MAPRE2: variants seen among roughly 807,000 people sequenced by gnomAD.
The protein encoded by MAPRE2 is microtubule-associated protein RP/EB family member 2.
Under a neutral mutation model 43.2 loss-of-function variants are expected in MAPRE2, and 13 were observed. The ratio of observed to expected loss-of-function variants is 0.30; its 90% CI spans 0.20 to 0.48. The LOEUF (loss-of-function observed/expected upper bound fraction) is 0.48, where lower values mean the gene tolerates loss of function less well. Ranked by LOEUF, MAPRE2 falls within the 20% of genes least tolerant of loss-of-function variation. MAPRE2 has a pLI of 0.99. For missense variants in MAPRE2, 161 were observed against 400.2 expected (o/e 0.40, Z 5.10); for synonymous variants, 135 against 148.8 (o/e 0.91, Z 0.68).
intron 2 of MAPRE2, among the ~76,000 whole-genome samples, chr18:35,009,034 C>T (rs1168241870): frequency 6.6e-6 from 1 of 152,050 alleles, no homozygotes; most frequent in Admixed American, 6.6e-5. Flanking sequence ...TTTGTGCCTA[C>T]TATCAGCTAG....
intron 2 of MAPRE2, among the ~76,000 whole-genome samples, chr18:35,021,089 T>C (rs531375663): frequency 2.0e-5 from 3 of 152,250 alleles, no homozygotes; most frequent in Admixed American, 6.5e-5. Context: ...ATGTAGGCCA[T>C]CTCAAGGGGG....
At chr18:34,981,365 G>A (rs1231089998) in intron 1 of MAPRE2, among the ~76,000 whole-genome samples, 1 of 151,384 alleles carries the variant, frequency 6.6e-6, no homozygotes, top group Admixed American at 6.6e-5. Flanking sequence ...GGGACAGAGA[G>A]GGAGATGCCA....
rs1436095980 is a variant in MAPRE2 at position 35,141,528 on chromosome 18, T to G, written c.*1159T>G. The G allele has an allele frequency of 2.0e-5, 3 of 152,206 alleles. No homozygotes were observed. 9.4% of individuals were successfully genotyped at this position (152,206 alleles called of 1,614,324 possible). A position where few individuals can be genotyped will look rare whatever the true frequency, so the allele number is the denominator to read the frequency against. ...TTTTCCCTCTTTAACACAAGGGCCC[T>G]CCTTGTCATTGACCTTAGCTAAACC... On this transcript the variant is annotated 3_prime_UTR_variant, in exon 7 of 7. Transcript: ENST00000300249.
chr18:35,107,351 A>G (rs1011511943), intron 4 of MAPRE2, among the ~76,000 whole-genome samples: 2 of 152,190 alleles, frequency 1.3e-5, no homozygotes, highest in African/African-American at 4.8e-5. Context: ...ATTCTCACTC[A>G]ACAATTACCC....
chr18:35,026,640 A>C (rs1163773985), intron 2 of MAPRE2, among the ~76,000 whole-genome samples: 22 of 152,106 alleles, frequency 1.4e-4, no homozygotes, highest in Admixed American at 9.2e-4. Flanking sequence ...CTCCCCAAAA[A>C]TATTTGCTAG....
intron 2 of MAPRE2, among the ~76,000 whole-genome samples, chr18:35,074,641 A>G (rs1483920950): frequency 6.6e-6 from 1 of 152,156 alleles, no homozygotes; most frequent in African/African-American, 2.4e-5. Flanking sequence ...TAAGCAGCAA[A>G]ATCACTGGGT....
intron 3 of MAPRE2, among the ~76,000 whole-genome samples, chr18:35,101,090 C>T (rs1255108222): frequency 1.3e-5 from 2 of 152,164 alleles, no homozygotes; most frequent in Admixed American, 6.5e-5. Context: ...AATAGCACAA[C>T]ATTCCAGGCG....
At chr18:34,985,927 ATAGT>A (rs1032189664) in intron 1 of MAPRE2, among the ~76,000 whole-genome samples, 58 of 151,704 alleles carry the variant, frequency 3.8e-4, no homozygotes, top group African/African-American at 1.3e-3. Flanking sequence ...AAATTAGAAA[ATAGT>A]TAGGCTTACT....
intron 2 of MAPRE2, among the ~76,000 whole-genome samples, chr18:35,023,503 C>T (rs766862413): frequency 4.0e-5 from 6 of 149,494 alleles, no homozygotes; most frequent in Non-Finnish European, 7.4e-5. Context: ...CAAAGCGAGA[C>T]TCCTTCGCAA....
At chr18:35,066,010 CTG>C (rs1420504624) in intron 1 of MAPRE2, among the ~76,000 whole-genome samples, 1 of 152,212 alleles carries the variant, frequency 6.6e-6, no homozygotes, top group Non-Finnish European at 1.5e-5. Flanking sequence ...TAAGAATAAA[CTG>C]TTGTTTCCAT....
At chr18:35,030,967 G>A (rs1175575460) in intron 2 of MAPRE2, among the ~76,000 whole-genome samples, 1 of 152,108 alleles carries the variant, frequency 6.6e-6, no homozygotes, top group Non-Finnish European at 1.5e-5. Context: ...ACAGGTCTAT[G>A]TCCCTCACCT....
At chr18:34,996,228 A>G (rs912781213) in intron 1 of MAPRE2, among the ~76,000 whole-genome samples, 9 of 152,038 alleles carry the variant, frequency 5.9e-5, no homozygotes, top group Non-Finnish European at 1.3e-4. Context: ...CCTTTTTGGC[A>G]CCAGGGACCA....
chr18:35,030,184 A>G (rs903889934), intron 2 of MAPRE2, among the ~76,000 whole-genome samples: 1 of 151,608 alleles, frequency 6.6e-6, no homozygotes, highest in African/African-American at 2.4e-5. Context: ...ATTTCTTTCA[A>G]TCTCTCACCC....
chr18:35,017,244 G>GGT, intron 2 of MAPRE2, among the ~76,000 whole-genome samples: 1 of 126,272 alleles, frequency 7.9e-6, no homozygotes, highest in Non-Finnish European at 1.6e-5. Context: ...CGGTTTTGTT[G>GGT]TTTTTTTTTT....
chr18:35,087,331 A>G (rs1907925401), intron 2 of MAPRE2, among the ~76,000 whole-genome samples: 1 of 152,194 alleles, frequency 6.6e-6, no homozygotes, highest in African/African-American at 2.4e-5. Context: ...CCTTGAGCTT[A>G]TGGGCTCAGA....
chr18:34,991,204 C>G (rs1315698564), intron 1 of MAPRE2, among the ~76,000 whole-genome samples: 1 of 152,162 alleles, frequency 6.6e-6, no homozygotes, highest in Non-Finnish European at 1.5e-5. Context: ...TTCCTCTTCT[C>G]TCTCTCTCCC....
intron 1 of MAPRE2, among the ~76,000 whole-genome samples, chr18:35,043,530 A>T (rs886234007): frequency 1.3e-5 from 2 of 152,222 alleles, no homozygotes; most frequent in African/African-American, 4.8e-5. Context: ...TCTTTAATTC[A>T]ACCCAGGCTA....
chr18:35,116,782 T>C lies in MAPRE2; in HGVS notation c.611-10166T>C, dbSNP rs139815956. On this transcript the variant is annotated intron_variant, in intron 4 of 6. Transcript: ENST00000300249. ...AGAGTGACTCCCATTACCTTTGCCA[T>C]GTTCTGTGGGTTAGAGTCAGGTCAC... is the stretch of plus-strand genomic sequence containing the variant. Among the ~76,000 whole-genome samples, 796 of 152,316 alleles carry C rather than the reference T, an allele frequency of 5.2e-3. 9 individuals are homozygous for C. Among genetic ancestry groups the C allele is most frequent in the African/African-American group, 0.018 (768 of 41,570 alleles).
intron 2 of MAPRE2, among the ~76,000 whole-genome samples, chr18:35,093,644 G>A (rs1908265120): frequency 6.6e-6 from 1 of 152,216 alleles, no homozygotes; most frequent in Admixed American, 6.5e-5. Flanking sequence ...AGGACGTTAT[G>A]TTCGGTGAAA....
Sources: allele counts gnomAD v4.1 joint callset (sites outside exome capture counted in the v4.1 genomes callset), GRCh38; gene constraint gnomAD v4.1.1; transcripts MANE v1.5; gene names NCBI Gene and HGNC (gene_info 2026-07-23, HGNC 2026-07-21).